The following RNF217 variants were observed in gnomAD, a reference collection of about 807,000 sequenced individuals.
RNF217 encodes ring finger protein 217, also known as E3 ubiquitin-protein ligase RNF217.
RNF217 carries 31 observed loss-of-function variants against 57.8 expected under a neutral mutation model. The observed-to-expected ratio is 0.54, with a 90% CI of 0.40 to 0.72. The LOEUF (loss-of-function observed/expected upper bound fraction) is 0.72, where lower values mean the gene tolerates loss of function less well. Ranked by LOEUF, RNF217 falls within the 30% of genes least tolerant of loss-of-function variation. The probability of loss-of-function intolerance (pLI) is 0.00; values close to 1 mark genes in which losing one functional copy is unlikely to be tolerated. For synonymous variants in RNF217, 313 were observed against 294.0 expected (o/e 1.06, Z -0.66); for missense variants, 696 against 708.3 (o/e 0.98, Z 0.20).
At chr6:125,018,466 T>A (rs923876389) in intron 1 of RNF217, among the ~76,000 whole-genome samples, 6 of 152,198 alleles carry the variant, frequency 3.9e-5, no homozygotes, top group Non-Finnish European at 5.9e-5. Flanking sequence ...ATCTTGTTTG[T>A]GTTTGTTGAA....
intron 3 of RNF217, among the ~76,000 whole-genome samples, chr6:125,070,498 C>G (rs963108699): frequency 9.8e-5 from 15 of 152,330 alleles, no homozygotes; most frequent in African/African-American, 3.6e-4. Flanking sequence ...CACATTCACA[C>G]CAACATCTAT....
chr6:125,014,372 T>G (rs1327186576), intron 1 of RNF217, among the ~76,000 whole-genome samples: 2 of 152,196 alleles, frequency 1.3e-5, no homozygotes, highest in African/African-American at 4.8e-5. Context: ...TACAATTCTG[T>G]GAGGTATATG....
intron 1 of RNF217, chr6:124,983,588 C>A: frequency 1.4e-6 from 1 of 731,662 alleles, no homozygotes; most frequent in Non-Finnish European, 1.7e-6. Context: ...GCTTCACTTT[C>A]ATAAGGGTGT....
chr6:124,990,695 C>T (rs1358610179), intron 1 of RNF217, among the ~76,000 whole-genome samples: 2 of 152,142 alleles, frequency 1.3e-5, no homozygotes, highest in Non-Finnish European at 2.9e-5. Context: ...ACCATGCCAC[C>T]ATCATTCTCA....
At chr6:125,016,048 C>A (rs568639380) in intron 1 of RNF217, among the ~76,000 whole-genome samples, 1 of 151,944 alleles carries the variant, frequency 6.6e-6, no homozygotes, top group African/African-American at 2.4e-5. Context: ...AGGAAGCCCA[C>A]GAATCTAATG....
chr6:124,967,511 G>A (rs1783590310), intron 1 of RNF217, among the ~76,000 whole-genome samples: 1 of 152,186 alleles, frequency 6.6e-6, no homozygotes, highest in African/African-American at 2.4e-5. Flanking sequence ...GACAGCTGTT[G>A]TGGATTCCAC....
chr6:125,026,177 G>A (rs1359770467), intron 1 of RNF217, among the ~76,000 whole-genome samples: 2 of 152,158 alleles, frequency 1.3e-5, no homozygotes, highest in Admixed American at 6.5e-5. Context: ...GTGGCCGCTA[G>A]CAACATGGCA....
intron 1 of RNF217, among the ~76,000 whole-genome samples, chr6:124,972,181 G>A (rs1287494593): frequency 1.3e-5 from 2 of 152,094 alleles, no homozygotes; most frequent in Admixed American, 6.6e-5. Flanking sequence ...GAAACCTGGG[G>A]GGTCATCATT....
At chr6:125,079,380 G>A (rs1282043132) in intron 4 of RNF217, among the ~76,000 whole-genome samples, 1 of 150,744 alleles carries the variant, frequency 6.6e-6, no homozygotes, top group Non-Finnish European at 1.5e-5. Context: ...ATTTCTAGAT[G>A]GCAAATAATT....
At chr6:124,980,023 T>C (rs1373075721) in intron 1 of RNF217, among the ~76,000 whole-genome samples, 2 of 152,318 alleles carry the variant, frequency 1.3e-5, no homozygotes, top group Non-Finnish European at 2.9e-5. Context: ...ATGCTAGGTT[T>C]TACAAGTCTG....
intron 3 of RNF217, among the ~76,000 whole-genome samples, chr6:125,072,663 G>A (rs571344643): frequency 6.6e-6 from 1 of 152,254 alleles, no homozygotes; most frequent in South Asian, 2.1e-4. Context: ...ATTAGAACAA[G>A]TTTTTCTGTC....
intron 3 of RNF217, among the ~76,000 whole-genome samples, chr6:125,070,616 A>G (rs1311432891): frequency 6.6e-6 from 1 of 152,012 alleles, no homozygotes; most frequent in Non-Finnish European, 1.5e-5. Context: ...GCATTTTTTC[A>G]TATGTTTGTT....
chr6:125,024,611 G>T (rs1380708724), intron 1 of RNF217, among the ~76,000 whole-genome samples: 1 of 151,798 alleles, frequency 6.6e-6, no homozygotes, highest in African/African-American at 2.4e-5. Context: ...CCAGCTACTC[G>T]GGAGGCTGAG....
At chr6:124,977,136 G>T (rs957236094) in intron 1 of RNF217, among the ~76,000 whole-genome samples, 7 of 152,054 alleles carry the variant, frequency 4.6e-5, no homozygotes, top group Admixed American at 2.0e-4. Context: ...AGCTTCAGAG[G>T]GAGTTATTAA....
chr6:125,061,440 T>G (rs1286022484), intron 3 of RNF217, among the ~76,000 whole-genome samples: 1 of 151,854 alleles, frequency 6.6e-6, no homozygotes, highest in African/African-American at 2.4e-5. Flanking sequence ...TTTTTGAGTT[T>G]GTAATGCCCC....
chr6:125,084,803 C>T lies in RNF217; in HGVS notation c.*1866C>T, dbSNP rs1172278716. On this transcript the variant is annotated 3_prime_UTR_variant, in exon 6 of 6. Transcript: ENST00000521654. ...AAGAAATAGTGATGCTCTGTTTTCA[C>T]AAATTTATCTTTTCATTCACCCATC... 1.3e-5 allele frequency: 2 copies of T among 151,852 alleles called. No individual in the cohort carries two copies. Among genetic ancestry groups the T allele is most frequent in the Non-Finnish European group, 2.9e-5 (2 of 67,818 alleles). 9.4% of individuals were successfully genotyped at this position (151,852 alleles called of 1,614,324 possible). A position where few individuals can be genotyped will look rare whatever the true frequency, so the allele number is the denominator to read the frequency against.
At chr6:125,006,214 C>T (rs1785173529) in intron 1 of RNF217, 1 of 152,042 alleles carries the variant, frequency 6.6e-6, no homozygotes, top group African/African-American at 2.4e-5. Flanking sequence ...GTTTATGTTG[C>T]AATAAATGAA....
rs1402286571 is a variant in RNF217 at position 124,963,427 on chromosome 6, G to A, written c.882+1G>A. On this transcript the variant is annotated splice_donor_variant, in intron 1 of 5. Transcript: ENST00000521654. LOFTEE classifies it high-confidence loss of function. ...CCTCAAAGTCTACCTGAGCGCCCAGGTAACTTCACCCCCTTCTCTTCCCCA... is the reference window on the plus strand; with the variant it reads ...CCTCAAAGTCTACCTGAGCGCCCAGATAACTTCACCCCCTTCTCTTCCCCA... The A allele has an allele frequency of 6.9e-7, 1 of 1,456,072 alleles. No homozygotes were observed. The highest frequency in any genetic ancestry group is 9.0e-7 in the Non-Finnish European group (1 of 1,108,202). The allele number at this position is 1,456,072 out of a possible 1,614,324, so 90.2% of individuals were successfully genotyped here. A position where few individuals can be genotyped will look rare whatever the true frequency, so the allele number is the denominator to read the frequency against.
chr6:125,058,334 A>C (rs557694373), intron 3 of RNF217, among the ~76,000 whole-genome samples: 1 of 152,272 alleles, frequency 6.6e-6, no homozygotes, highest in African/African-American at 2.4e-5. Context: ...GCCACATATA[A>C]ATATTGACTT....
Sources: gnomAD v4.1 joint callset for allele counts (sites outside exome capture counted in the v4.1 genomes callset) on GRCh38, gnomAD v4.1.1 for gene constraint, MANE v1.5 for transcripts, NCBI Gene and HGNC (gene_info 2026-07-23, HGNC 2026-07-21) for gene names.